The following LANCL1 variants were observed in gnomAD, a reference collection of about 807,000 sequenced individuals.
LANCL1 encodes the protein LanC like glutathione S-transferase 1.
Under a neutral mutation model 50.6 loss-of-function variants are expected in LANCL1, and 50 were observed. That is an observed-to-expected ratio of 0.99 (90% CI 0.79 to 1.25). The LOEUF (loss-of-function observed/expected upper bound fraction) is 1.25. LANCL1 is among the 50% of genes most tolerant of loss of function. The pLI, the probability that LANCL1 is intolerant of heterozygous loss-of-function variation, is 0.00. For synonymous variants in LANCL1, 188 were observed against 178.6 expected, an observed-to-expected ratio of 1.05 and a Z score of -0.42; for missense variants, 532 against 480.7, an observed-to-expected ratio of 1.11 and a Z score of -1.00.
rs747401652 is a variant in LANCL1 at position 210,476,343 on chromosome 2, G to C, written c.54C>G (p.Ala18=). The C allele has an allele frequency of 1.1e-5, 17 of 1,613,852 alleles. No individual in the cohort carries two copies. Among genetic ancestry groups the C allele is most frequent in the African/African-American group, 4.0e-5 (3 of 74,924 alleles). Residue 18 remains alanine, a synonymous_variant, in exon 2 of 10, where the codon GCC becomes GCG. Transcript: ENST00000450366. Reference sequence around the variant, plus strand: ...TCCCGGCAGCATCAAAGTAGCCTTCGGCCAGGGATTTGTTATAATCAGCAT... The same window carrying C: ...TCCCGGCAGCATCAAAGTAGCCTTCCGCCAGGGATTTGTTATAATCAGCAT... ...NPYADYNKSL[A]EGYFDAAGRL...
At chr2:210,471,609 AG>A in intron 3 of LANCL1, 1 of 479,118 alleles carries the variant, frequency 2.1e-6, no homozygotes, top group Middle Eastern at 3.1e-4. Flanking sequence ...CCTCCGCTTC[AG>A]GCATTGTATT....
At position 210,433,254 on chromosome 2, in the gene LANCL1, G is replaced by A. The variant is rs1170705868; in HGVS notation, c.*1233C>T. ...CTTGAACAGAATTTGAAGCACCAGA[G>A]AGTCTTTATCTACTACGGAAAACCT... On this transcript the variant is annotated 3_prime_UTR_variant, in exon 10 of 10. Transcript: ENST00000450366. 1.3e-5 allele frequency: 2 copies of A among 152,408 alleles called. No homozygotes were observed. Among genetic ancestry groups the A allele is most frequent in the Admixed American group, 6.5e-5 (1 of 15,278 alleles). The allele number at this position is 152,408 out of a possible 1,614,324, so 9.4% of individuals were successfully genotyped here. A position where few individuals can be genotyped will look rare whatever the true frequency, so the allele number is the denominator to read the frequency against.
intron 3 of LANCL1, among the ~76,000 whole-genome samples, chr2:210,462,042 T>C (rs975228588): frequency 6.6e-6 from 1 of 152,202 alleles, no homozygotes; most frequent in Non-Finnish European, 1.5e-5. Context: ...TAAAGCACTT[T>C]AGAATGTTCT....
At chr2:210,455,750 G>A (rs183921776) in intron 3 of LANCL1, among the ~76,000 whole-genome samples, 1 of 151,298 alleles carries the variant, frequency 6.6e-6, no homozygotes, top group Admixed American at 6.6e-5. Context: ...GAAATTCAAA[G>A]ACCAGGGAAT....
intron 2 of LANCL1, among the ~76,000 whole-genome samples, chr2:210,474,283 C>T (rs996920868): frequency 2.0e-5 from 3 of 152,140 alleles, no homozygotes; most frequent in Non-Finnish European, 4.4e-5. Context: ...TTTGATCCTC[C>T]GTGTTCAACA....
rs2287428 is a variant in LANCL1 at position 210,459,536 on chromosome 2, T to C, written c.200-4222A>G. Among the ~76,000 whole-genome samples, 58 of 152,276 alleles carry C rather than the reference T, an allele frequency of 3.8e-4. No homozygotes were observed. The East Asian group carries it at 8.9e-3, about 23-fold the overall frequency. On this transcript the variant is annotated intron_variant, in intron 3 of 9. Transcript: ENST00000450366. ...CAATCTTAGTCATGCTAGCCACATTTAGAATGTTCAATAGCCACATGTGGC... is the reference window on the plus strand; with the variant it reads ...CAATCTTAGTCATGCTAGCCACATTCAGAATGTTCAATAGCCACATGTGGC...
Position 210,434,426 on chromosome 2 carries a change from A to T in LANCL1, c.*61T>A. 1 of 1,291,722 alleles carries T rather than the reference A, an allele frequency of 7.7e-7. No homozygotes were observed. The highest frequency in any genetic ancestry group is 1.1e-6 in the Non-Finnish European group (1 of 908,402). The allele number at this position is 1,291,722 out of a possible 1,614,324, so 80.0% of individuals were successfully genotyped here. A position where few individuals can be genotyped will look rare whatever the true frequency, so the allele number is the denominator to read the frequency against. On this transcript the variant is annotated 3_prime_UTR_variant, in exon 10 of 10. Transcript: ENST00000450366. Reference sequence around the variant, plus strand: ...TCCTTGGAAAGCAACGGAAGCACTTAGCTTGGGTTTGAATATACAGAAAGG... The same window carrying T: ...TCCTTGGAAAGCAACGGAAGCACTTTGCTTGGGTTTGAATATACAGAAAGG...
At chr2:210,476,230 T>C in intron 2 of LANCL1, 86 bp downstream of exon 2, 1 of 814,034 alleles carries the variant, frequency 1.2e-6, no homozygotes, top group Non-Finnish European at 2.1e-6. Context: ...TAAAGGGGGA[T>C]GCTCAACTCT....
chr2:210,436,492 G>T, intron 7 of LANCL1, 100 bp from the exon 8 acceptor site: 1 of 1,111,586 alleles, frequency 9.0e-7, no homozygotes, highest in Non-Finnish European at 1.3e-6. Flanking sequence ...AGATGGCTTG[G>T]CAAGAAAGGG....
chr2:210,461,248 A>T (rs1489903534), intron 3 of LANCL1, among the ~76,000 whole-genome samples: 2 of 151,974 alleles, frequency 1.3e-5, no homozygotes, highest in Non-Finnish European at 2.9e-5. Context: ...GAAGTGCTCT[A>T]ATGAATCCAG....
rs1344923557 is a variant in LANCL1, at chr2:210,471,955, A to G, written c.199+4T>C. Reference sequence around the variant, plus strand: ...TATGCCAGCTCACAGTCAGCACTTCATACCTGCCCAGCCAGTGTAACCGGT... The same window carrying G: ...TATGCCAGCTCACAGTCAGCACTTCGTACCTGCCCAGCCAGTGTAACCGGT... On this transcript the variant is annotated splice_donor_region_variant and intron_variant, in intron 3 of 9. Coordinates refer to ENST00000450366, the MANE Select transcript of LANCL1 (RefSeq NM_006055.3). The G allele has an allele frequency of 6.2e-7, 1 of 1,602,590 alleles. No homozygotes were observed. The highest frequency in any genetic ancestry group is 8.6e-7 in the Non-Finnish European group (1 of 1,169,586).
chr2:210,472,443 T>G (rs1694252616), intron 2 of LANCL1, among the ~76,000 whole-genome samples: 2 of 152,162 alleles, frequency 1.3e-5, no homozygotes, highest in South Asian at 4.1e-4. Context: ...TTCAAACTAC[T>G]GGATTTTTAG....
At chr2:210,476,842 C>G (rs1694400001), upstream of LANCL1, 1 of 988,126 alleles carries the variant, frequency 1.0e-6, no homozygotes, top group Non-Finnish European at 1.2e-6. Context: ...TTGTTAAAGA[C>G]ACAGGCGTGT....
chr2:210,476,363 C>T lies in LANCL1; in HGVS notation c.34G>A (p.Asp12Asn), dbSNP rs1482303497. 3.1e-6 allele frequency: 5 copies of T among 1,613,976 alleles called. No individual in the cohort carries two copies. The highest frequency in any genetic ancestry group is 1.3e-5 in the African/African-American group (1 of 74,942). ...CCTTCGGCCAGGGATTTGTTATAAT[C>T]AGCATAAGGATTCGGGAAGGCCCTT... ...AQRAFPNPYA[D>N]YNKSLAEGYF... The change falls in exon 2 of 10, where the codon GAT becomes AAT. Residue 12 changes from aspartate to asparagine, a missense_variant. Physicochemically the swap from Asp to Asn is conservative, Grantham distance 23. Coordinates refer to ENST00000450366, the MANE Select transcript of LANCL1 (RefSeq NM_006055.3).
intron 3 of LANCL1, among the ~76,000 whole-genome samples, chr2:210,458,063 C>G (rs1032022416): frequency 2.6e-5 from 4 of 152,120 alleles, no homozygotes; most frequent in African/African-American, 9.7e-5. Flanking sequence ...TTCTTCCTGG[C>G]TGGAATACAG....
Position 210,470,415 on chromosome 2 carries a change from T to C in LANCL1, c.199+1544A>G, listed in dbSNP as rs1694192566. Among the ~76,000 whole-genome samples the C allele has an allele frequency of 2.0e-5, 3 of 152,222 alleles. No individual in the cohort carries two copies. In the East Asian group the frequency reaches 5.8e-4, roughly 29 times the overall value. Reference sequence around the variant, plus strand: ...TTTTACTGGTTTAATCTGTCTTCCCTACCCTTGTTTAAAAAAAAATAGAAT... The same window carrying C: ...TTTTACTGGTTTAATCTGTCTTCCCCACCCTTGTTTAAAAAAAAATAGAAT... On this transcript the variant is annotated intron_variant, in intron 3 of 9. Transcript: ENST00000450366.
At chr2:210,458,307 A>C (rs1316422306) in intron 3 of LANCL1, among the ~76,000 whole-genome samples, 1 of 152,204 alleles carries the variant, frequency 6.6e-6, no homozygotes, top group Non-Finnish European at 1.5e-5. Flanking sequence ...CCTAAGGAAG[A>C]CAGCTCTTCT....
At chr2:210,467,230 GTGGAAGA>G (rs1403629302) in intron 3 of LANCL1, among the ~76,000 whole-genome samples, 1 of 152,182 alleles carries the variant, frequency 6.6e-6, no homozygotes, top group Non-Finnish European at 1.5e-5. Flanking sequence ...AAAGCAAATG[GTGGAAGA>G]ATTGCCAACG....
At chr2:210,457,940 G>A (rs1323048336) in intron 3 of LANCL1, among the ~76,000 whole-genome samples, 4 of 152,174 alleles carry the variant, frequency 2.6e-5, no homozygotes, top group Admixed American at 6.5e-5. Context: ...CTTCACAGCC[G>A]GGTATGGCTA....
Sources: allele counts gnomAD v4.1 joint callset (sites outside exome capture counted in the v4.1 genomes callset), GRCh38; gene constraint gnomAD v4.1.1; transcripts MANE v1.5; gene names NCBI Gene and HGNC (gene_info 2026-07-23, HGNC 2026-07-21).